Variants in MYZAP observed in about 807,000 individuals in gnomAD.
MYZAP encodes GRINL1A complex locus upstream.
A neutral mutation model predicts 69.4 loss-of-function variants in MYZAP; 66 were observed. The observed-to-expected ratio is 0.95, with a 90% confidence interval of 0.78 to 1.17. The LOEUF (loss-of-function observed/expected upper bound fraction) is 1.17, where lower values mean the gene tolerates loss of function less well. Among genes scored for constraint, MYZAP ranks in the 50% most tolerant of loss-of-function variants. The pLI is 0.00. For synonymous variants in MYZAP, 256 were observed against 205.9 expected, an observed-to-expected ratio of 1.24 and a Z score of -2.09; for missense variants, 611 against 556.2, an observed-to-expected ratio of 1.10 and a Z score of -0.99.
At chr15:57,680,930 G>T (rs972098135) in intron 12 of MYZAP, 2 of 152,188 alleles carry the variant, frequency 1.3e-5, no homozygotes, top group African/African-American at 4.8e-5. Context: ...TTAATAAAAG[G>T]TTAACAATAG....
intron 10 of MYZAP, chr15:57,647,746 G>A (rs1333461219): frequency 3.0e-6 from 3 of 985,376 alleles, no homozygotes; most frequent in Non-Finnish European, 2.4e-6. Flanking sequence ...CTTGGCCCTG[G>A]CCCTGGGTCC....
intron 11 of MYZAP, among the ~76,000 whole-genome samples, chr15:57,663,338 A>G (rs2038404491): frequency 6.6e-6 from 1 of 151,984 alleles, no homozygotes; most frequent in Admixed American, 6.6e-5. Context: ...AGTGTATTAA[A>G]CTCATGTCTC....
intron 10 of MYZAP, chr15:57,648,442 A>G: frequency 9.1e-6 from 9 of 985,416 alleles, no homozygotes; most frequent in Non-Finnish European, 1.1e-5. Flanking sequence ...TTGGGTCACT[A>G]CCAGTCACGA....
rs138018355 is a variant in MYZAP, at chr15:57,632,441, C to A, written c.686C>A (p.Ser229Ter). The A allele has an allele frequency of 6.2e-7, 1 of 1,614,082 alleles. No homozygotes were observed. Among genetic ancestry groups the A allele is most frequent in the East Asian group, 2.2e-5 (1 of 44,876 alleles). ...ENQLLKMKVE[S>*]SQEANAEVMR... ...AAATGAGTCTCGTTGTAGGTGGAATCGTCCCAAGAAGCCAATGCTGAGGTG... is the reference window on the plus strand; with the variant it reads ...AAATGAGTCTCGTTGTAGGTGGAATAGTCCCAAGAAGCCAATGCTGAGGTG... The change falls in exon 7 of 13, where the codon TCG becomes TAG. Residue 229 changes from serine to a stop codon, truncating the protein, a stop_gained. Coordinates refer to ENST00000267853, the MANE Select transcript of MYZAP (RefSeq NM_001018100.5). LOFTEE classifies it high-confidence loss of function.
chr15:57,650,155 A>G (rs1250746528), intron 10 of MYZAP, among the ~76,000 whole-genome samples: 2 of 152,190 alleles, frequency 1.3e-5, no homozygotes, highest in East Asian at 3.8e-4. Context: ...GCATTGCCGT[A>G]CTGATTTTTT....
At chr15:57,599,961 C>A (rs533933799) in intron 1 of MYZAP, among the ~76,000 whole-genome samples, 3 of 152,304 alleles carry the variant, frequency 2.0e-5, no homozygotes, top group Admixed American at 2.0e-4. Context: ...TTCTCCCAGT[C>A]TTTGTTATTA....
chr15:57,635,750 G>A (rs1442500642), intron 8 of MYZAP, among the ~76,000 whole-genome samples: 1 of 152,242 alleles, frequency 6.6e-6, no homozygotes, highest in African/African-American at 2.4e-5. Context: ...TACGTGAACG[G>A]CATGTCCTAG....
chr15:57,616,508 C>T (rs950050032), intron 2 of MYZAP, among the ~76,000 whole-genome samples: 4 of 152,076 alleles, frequency 2.6e-5, no homozygotes, highest in South Asian at 2.1e-4. Flanking sequence ...CGTGGTGGCG[C>T]GCTTCTAGTC....
intron 10 of MYZAP, 38 bp from the exon 11 acceptor site, chr15:57,661,412 C>T: frequency 6.8e-7 from 1 of 1,474,254 alleles, no homozygotes; most frequent in Non-Finnish European, 9.4e-7. Flanking sequence ...CACAATTGTA[C>T]ATTTTTGATT....
At chr15:57,601,820 G>A (rs565119829) in intron 1 of MYZAP, among the ~76,000 whole-genome samples, 29 of 152,266 alleles carry the variant, frequency 1.9e-4, no homozygotes, top group Middle Eastern at 3.4e-3. Context: ...CCTAGAAAAA[G>A]GGGAATTAGT....
intron 6 of MYZAP, 32 bp downstream of exon 6, chr15:57,629,886 T>A (rs2140428683): frequency 6.2e-7 from 1 of 1,601,892 alleles, no homozygotes; most frequent in East Asian, 2.2e-5. Context: ...TTATTTTCTA[T>A]GAACTTTTCT....
At position 57,604,258 on chromosome 15, in the gene MYZAP, C is replaced by A. The variant is rs766416861; in HGVS notation, c.76-11C>A. 9.3e-6 allele frequency: 15 copies of A among 1,613,816 alleles called. No homozygotes were observed. Among genetic ancestry groups the A allele is most frequent in the Non-Finnish European group, 1.3e-5 (15 of 1,179,938 alleles). ...GACTCCTAACTGGCCTCTCCTTTCC[C>A]TCTCTTCTAGGCAAATGTTTGCAGA... On this transcript the variant is annotated splice_polypyrimidine_tract_variant and intron_variant, in intron 1 of 12. Coordinates refer to ENST00000267853, the MANE Select transcript of MYZAP (RefSeq NM_001018100.5).
At chr15:57,672,122 T>C (rs2038896275) in intron 11 of MYZAP, among the ~76,000 whole-genome samples, 1 of 152,214 alleles carries the variant, frequency 6.6e-6, no homozygotes, top group Non-Finnish European at 1.5e-5. Flanking sequence ...TTCAGTGGTC[T>C]ACCAGAGACT....
chr15:57,592,455 G>T (rs1227905063), intron 1 of MYZAP, among the ~76,000 whole-genome samples: 1 of 152,194 alleles, frequency 6.6e-6, no homozygotes, highest in African/African-American at 2.4e-5. Flanking sequence ...AGTAATGAAT[G>T]TATTTAAAAC....
chr15:57,661,601 A>C, intron 11 of MYZAP, 68 bp downstream of exon 11: 6 of 1,319,166 alleles, frequency 4.5e-6, no homozygotes, highest in Non-Finnish European at 6.3e-6. Context: ...TAAGCCTACC[A>C]CCGACACTTA....
At chr15:57,592,900 A>G (rs774006884) in intron 1 of MYZAP, among the ~76,000 whole-genome samples, 3 of 152,140 alleles carry the variant, frequency 2.0e-5, no homozygotes, top group Non-Finnish European at 4.4e-5. Context: ...TTCAATACTT[A>G]TCATTTGGTA....
chr15:57,593,188 G>GCATGCGCGCGCGCGCGCA, intron 1 of MYZAP, among the ~76,000 whole-genome samples: 3 of 114,148 alleles, frequency 2.6e-5, no homozygotes, highest in Admixed American at 8.6e-5. Flanking sequence ...GTACACAGGC[G>GCATGCGCGCGCGCGCGCA]CACACACACA....
At position 57,633,663 on chromosome 15, in the gene MYZAP, G is replaced by T. The variant is rs2036641068; in HGVS notation, c.855G>T (p.Met285Ile). 6.2e-7 allele frequency: 1 copy of T among 1,613,394 alleles called. No homozygotes were observed. The highest frequency in any genetic ancestry group is 1.1e-5 in the South Asian group (1 of 90,864). The part of the protein sequence containing the change: ...LKAIEEANKK[M>I]QAAEISLEEK... Reference sequence around the variant, plus strand: ...CGATTGAAGAAGCCAATAAAAAGATGCAAGCAGCAGAGATCAGCCTAGAGG... The same window carrying T: ...CGATTGAAGAAGCCAATAAAAAGATTCAAGCAGCAGAGATCAGCCTAGAGG... Residue 285 changes from methionine to isoleucine, a missense_variant, in exon 8 of 13, where the codon ATG becomes ATT. By Grantham distance (10) the Met-to-Ile change is conservative. Coordinates refer to ENST00000267853, the MANE Select transcript of MYZAP (RefSeq NM_001018100.5).
At chr15:57,656,339 T>A (rs2038010250) in intron 10 of MYZAP, among the ~76,000 whole-genome samples, 1 of 152,222 alleles carries the variant, frequency 6.6e-6, no homozygotes. Context: ...TCAAAGTCTT[T>A]ACTCTTGGGA....
Sources: gnomAD v4.1 joint callset for allele counts (sites outside exome capture counted in the v4.1 genomes callset) on GRCh38, gnomAD v4.1.1 for gene constraint, MANE v1.5 for transcripts, NCBI Gene and HGNC (gene_info 2026-07-23, HGNC 2026-07-21) for gene names.